Variants in SLC46A1 observed in about 807,000 individuals in gnomAD.
The protein encoded by SLC46A1 is solute carrier family 46 member 1.
SLC46A1 carries 17 observed loss-of-function variants against 32.1 expected under a neutral mutation model. The observed-to-expected ratio is 0.53, with a 90% confidence interval of 0.36 to 0.79. The LOEUF is 0.79. Ranked by LOEUF, SLC46A1 falls within the 30% of genes least tolerant of loss-of-function variation. The probability of loss-of-function intolerance (pLI) is 0.00; values close to 1 mark genes in which losing one functional copy is unlikely to be tolerated. For synonymous variants in SLC46A1, 240 were observed against 262.7 expected (o/e 0.91, Z 0.84); for missense variants, 517 against 588.2 (o/e 0.88, Z 1.25).
intron 4 of SLC46A1, 104 bp downstream of exon 4, chr17:28,400,504 GGT>G: frequency 6.8e-7 from 1 of 1,467,806 alleles, no homozygotes. Flanking sequence ...ACACCCAGAG[GGT>G]AAGGATTCCA....
chr17:28,400,800 G>T (rs781896384), intron 3 of SLC46A1, 34 bp from the exon 4 acceptor site: 1 of 1,546,024 alleles, frequency 6.5e-7, no homozygotes, highest in Admixed American at 2.0e-5. Flanking sequence ...TCTGGAGTCC[G>T]AAAGGGCCAT....
intron 2 of SLC46A1, chr17:28,402,843 CT>C (rs2068213062): frequency 6.5e-6 from 1 of 152,906 alleles, no homozygotes; most frequent in Non-Finnish European, 1.5e-5. Context: ...CCTGTAAATA[CT>C]ACCTTATTTG....
Position 28,396,241 on chromosome 17 carries a change from C to T in SLC46A1, c.*3415G>A, listed in dbSNP as rs530770250. ...GCTCCTCCCGGGACTCATCTGCAGG[C>T]TCTGACACCAGTTTGGAGGGTGCTG... is the stretch of plus-strand genomic sequence containing the variant. On this transcript the variant is annotated 3_prime_UTR_variant, in exon 5 of 5. Coordinates refer to ENST00000612814, the MANE Select transcript of SLC46A1 (RefSeq NM_080669.6). 1.9e-5 allele frequency: 30 copies of T among 1,614,020 alleles called. No individual in the cohort carries two copies. In the South Asian group the frequency reaches 2.6e-4, roughly 14 times the overall value.
In SLC46A1 at chr17:28,395,634, A is replaced by G. The variant is rs782498390; in HGVS notation, c.*4022T>C. Reference sequence around the variant, plus strand: ...CCCCCATAGCACCCCCCGGGCCCCCAGTGGGGAATCATCTCTTTAGCATAC... The same window carrying G: ...CCCCCATAGCACCCCCCGGGCCCCCGGTGGGGAATCATCTCTTTAGCATAC... On this transcript the variant is annotated 3_prime_UTR_variant, in exon 5 of 5. Transcript: ENST00000612814. 1.1e-5 allele frequency: 4 copies of G among 371,442 alleles called. No homozygotes were observed. The highest frequency in any genetic ancestry group is 2.0e-5 in the Non-Finnish European group (4 of 200,638). 23.0% of individuals were successfully genotyped at this position (371,442 alleles called of 1,614,324 possible).
chr17:28,404,275 TG>T lies in SLC46A1; in HGVS notation c.1081+340del, dbSNP rs1218617393. On this transcript the variant is annotated intron_variant, in intron 2 of 4. Transcript: ENST00000612814. ...AAGTGAGTACCAGGCATTAATGGCA[TG>T]GACTTTGTTTAAGAACATATGAATA... is the stretch of plus-strand genomic sequence containing the variant. 6 of 332,808 alleles carry T rather than the reference TG, an allele frequency of 1.8e-5. 1 individual carries two copies. The Admixed American group carries it at 2.7e-4, about 15-fold the overall frequency. 20.6% of individuals were successfully genotyped at this position (332,808 alleles called of 1,614,324 possible).
chr17:28,405,373 G>T lies in SLC46A1; in HGVS notation c.324C>A (p.Ser108Arg). ...GCAGCGGGCGGCGGCCCACACTGTC[G>T]CTCCAAGCTCCCAGCAGGGTGGACG... Reference protein sequence around the residue: ...LFSSTLLGAWSDSVGRRPLLV... With the variant: ...LFSSTLLGAWRDSVGRRPLLV... Residue 108 changes from serine (S) to arginine (R), a missense_variant, in exon 2 of 5, where the codon AGC (serine) becomes AGA (arginine). Coordinates refer to ENST00000612814, the MANE Select transcript of SLC46A1 (RefSeq NM_080669.6). The T allele has an allele frequency of 6.3e-7, 1 of 1,584,454 alleles. No homozygotes were observed. The highest frequency in any genetic ancestry group is 1.2e-5 in the South Asian group (1 of 86,760).
intron 3 of SLC46A1, 92 bp from the exon 4 acceptor site, chr17:28,400,858 T>A: frequency 1.7e-6 from 2 of 1,160,352 alleles, no homozygotes; most frequent in South Asian, 2.6e-5. Flanking sequence ...CCGGGAGTAG[T>A]CACTTAACCT....
At position 28,395,815 on chromosome 17, in the gene SLC46A1, T is replaced by G. The variant is rs1291947916; in HGVS notation, c.*3841A>C. ...CTGGTGTCCTGCCCTGGGCCCAGCC[T>G]CGGGCCAGTGGGCCTCCCAGCACCT... On this transcript the variant is annotated 3_prime_UTR_variant, in exon 5 of 5. Coordinates refer to ENST00000612814, the MANE Select transcript of SLC46A1 (RefSeq NM_080669.6). 11 of 1,505,076 alleles carry G rather than the reference T, an allele frequency of 7.3e-6. No individual in the cohort carries two copies. The African/African-American group carries it at 8.2e-5, about 11-fold the overall frequency. The allele number at this position is 1,505,076 out of a possible 1,614,324, so 93.2% of individuals were successfully genotyped here.
chr17:28,404,316 A>G (rs1555590274), intron 2 of SLC46A1: 6 of 425,832 alleles, frequency 1.4e-5, no homozygotes, highest in Non-Finnish European at 2.2e-5. Flanking sequence ...GTGGGAGGCC[A>G]AGGGGTAAAG....
Position 28,395,867 on chromosome 17 carries a change from G to T in SLC46A1, c.*3789C>A, listed in dbSNP as rs886052740. 96 of 1,610,776 alleles carry T rather than the reference G, an allele frequency of 6.0e-5. No homozygotes were observed. Among genetic ancestry groups the T allele is most frequent in the Non-Finnish European group, 8.0e-5 (94 of 1,179,730 alleles). ...CCTGGCTACAAGGGTCCCTAGATGG[G>T]TACAGGGGTATCTTCCTCCTTTCCT... On this transcript the variant is annotated 3_prime_UTR_variant, in exon 5 of 5. Transcript: ENST00000612814.
At position 28,395,457 on chromosome 17, in the gene SLC46A1, A is replaced by G. The variant is rs2068108432; in HGVS notation, c.*4199T>C. 1 of 167,100 alleles carries G rather than the reference A, an allele frequency of 6.0e-6. No individual in the cohort carries two copies. The highest frequency in any genetic ancestry group is 1.3e-5 in the Non-Finnish European group (1 of 76,454). 10.4% of individuals were successfully genotyped at this position (167,100 alleles called of 1,614,324 possible). On this transcript the variant is annotated 3_prime_UTR_variant, in exon 5 of 5. Coordinates refer to ENST00000612814, the MANE Select transcript of SLC46A1 (RefSeq NM_080669.6). Reference sequence around the variant, plus strand: ...GGTTTTTATGGAGGTTCCATTATGTAGGCATGATTGATTAAATCATTGGCC... The same window carrying G: ...GGTTTTTATGGAGGTTCCATTATGTGGGCATGATTGATTAAATCATTGGCC...
chr17:28,401,393 G>C (rs1179059714), intron 3 of SLC46A1: 2 of 157,928 alleles, frequency 1.3e-5, no homozygotes, highest in East Asian at 3.6e-4. Flanking sequence ...AAGTTTAGGT[G>C]AATGAATGAA....
intron 2 of SLC46A1, chr17:28,404,048 A>G: frequency 6.4e-6 from 1 of 155,360 alleles, no homozygotes; most frequent in Middle Eastern, 3.4e-3. Flanking sequence ...TTAAAAAGTT[A>G]ACTTCCTCAT....
At chr17:28,405,741 C>T (rs1206463745) in intron 1 of SLC46A1, 146 bp downstream of exon 1, 4 of 1,035,890 alleles carry the variant, frequency 3.9e-6, no homozygotes, top group Admixed American at 2.8e-5. Context: ...CTCGGTCAGG[C>T]CCCTTTGCTC....
At chr17:28,404,459 G>C in intron 2 of SLC46A1, 157 bp downstream of exon 2, 1 of 926,156 alleles carries the variant, frequency 1.1e-6, no homozygotes, top group Non-Finnish European at 1.6e-6. Flanking sequence ...GCATTTTTGA[G>C]GGATTTCTTA....
chr17:28,405,499 C>T (rs782511398), intron 1 of SLC46A1, 31 bp from the exon 2 acceptor site: 1 of 1,587,874 alleles, frequency 6.3e-7, no homozygotes, highest in South Asian at 1.1e-5. Flanking sequence ...GGGTGCGGTT[C>T]CTCACTCTGG....
In SLC46A1 at chr17:28,396,304, A is replaced by C. The variant is rs1418029761; in HGVS notation, c.*3352T>G. 1 of 1,613,134 alleles carries C rather than the reference A, an allele frequency of 6.2e-7. No individual in the cohort carries two copies. Among genetic ancestry groups the C allele is most frequent in the Non-Finnish European group, 8.5e-7 (1 of 1,179,446 alleles). On this transcript the variant is annotated 3_prime_UTR_variant, in exon 5 of 5. Coordinates refer to ENST00000612814, the MANE Select transcript of SLC46A1 (RefSeq NM_080669.6). The stretch of plus-strand genomic sequence containing the variant: ...CAACCTAACCAGTCCCCAGTTCCCC[A>C]GCCCTGCTGTGACTTCCATTTCCAT...
At position 28,396,901 on chromosome 17, in the gene SLC46A1, C is replaced by T. The variant is rs1398958006; in HGVS notation, c.*2755G>A. Reference sequence around the variant, plus strand: ...TCCTTCGGTGTGGTATCTTTTGCCACATCCAGGGCGAGGGTTGAGGCAAAC... The same window carrying T: ...TCCTTCGGTGTGGTATCTTTTGCCATATCCAGGGCGAGGGTTGAGGCAAAC... On this transcript the variant is annotated 3_prime_UTR_variant, in exon 5 of 5. Coordinates refer to ENST00000612814, the MANE Select transcript of SLC46A1 (RefSeq NM_080669.6). 6.6e-6 allele frequency: 1 copy of T among 152,486 alleles called. No homozygotes were observed. The highest frequency in any genetic ancestry group is 2.4e-5 in the African/African-American group (1 of 41,480). 9.4% of individuals were successfully genotyped at this position (152,486 alleles called of 1,614,324 possible).
rs1273506942 is a variant in SLC46A1, at chr17:28,395,928, C to A, written c.*3728G>T. On this transcript the variant is annotated 3_prime_UTR_variant, in exon 5 of 5. Coordinates refer to ENST00000612814, the MANE Select transcript of SLC46A1 (RefSeq NM_080669.6). ...AGGAGATTGTGACTGCTTTAAGCTG[C>A]GGCAAGAACATTGTGCCCATCATTG... 5 of 1,613,906 alleles carry A rather than the reference C, an allele frequency of 3.1e-6. No individual in the cohort carries two copies. Among genetic ancestry groups the A allele is most frequent in the Middle Eastern group, 1.6e-4 (1 of 6,062 alleles).
Sources: allele counts gnomAD v4.1 joint callset, GRCh38; gene constraint gnomAD v4.1.1; transcripts MANE v1.5; gene names NCBI Gene and HGNC (gene_info 2026-07-23, HGNC 2026-07-21).